Variants in ADGRB3 observed in about 807,000 individuals in gnomAD.
ADGRB3 encodes the protein adhesion G protein-coupled receptor B3.
ADGRB3 carries 37 observed loss-of-function variants against 193.4 expected under a neutral mutation model. That is an observed-to-expected ratio of 0.19 (90% confidence interval 0.15 to 0.25). ADGRB3 has a LOEUF of 0.25. ADGRB3 is among the 10% of genes least tolerant of loss of function. The pLI, the probability that ADGRB3 is intolerant of heterozygous loss-of-function variation, is 1.00. For synonymous variants in ADGRB3, 690 were observed against 644.2 expected (o/e 1.07, Z -1.08); for missense variants, 1,637 against 1,852.9 (o/e 0.88, Z 2.14).
chr6:69,369,675 G>C (rs1157539725), intron 29 of ADGRB3, among the ~76,000 whole-genome samples: 1 of 148,702 alleles, frequency 6.7e-6, no homozygotes, highest in Non-Finnish European at 1.5e-5. Flanking sequence ...CCCGGCCTGG[G>C]TGACAGAGCA....
At chr6:68,820,039 T>C (rs1015646808) in intron 3 of ADGRB3, among the ~76,000 whole-genome samples, 5 of 152,058 alleles carry the variant, frequency 3.3e-5, no homozygotes, top group African/African-American at 1.2e-4. Context: ...CTGATTGTAT[T>C]TTTTCCTCAA....
In ADGRB3 at chr6:69,339,161, T is replaced by C. The variant is rs1302137467; in HGVS notation, c.3287+147T>C. 1.3e-5 allele frequency: 14 copies of C among 1,084,850 alleles called. No individual in the cohort carries two copies. The East Asian group carries it at 3.2e-4, about 25-fold the overall frequency. 67.2% of individuals were successfully genotyped at this position (1,084,850 alleles called of 1,614,324 possible). On this transcript the variant is annotated intron_variant, in intron 25 of 31. Coordinates refer to ENST00000370598, the MANE Select transcript of ADGRB3 (RefSeq NM_001704.3). ...TAATTGGCAACTGTCTTTATAGCTA[T>C]TGTGGGATAGTATATAAAAAAAAAA...
At chr6:68,753,772 G>A (rs530888) in intron 3 of ADGRB3, among the ~76,000 whole-genome samples, 57,080 of 151,964 alleles carry the variant, frequency 0.38, 11,534 homozygotes, top group African/African-American at 0.52. Flanking sequence ...AAATAAAGCA[G>A]CCTGGTGCTG....
intron 20 of ADGRB3, among the ~76,000 whole-genome samples, chr6:69,308,840 G>A (rs1768120022): frequency 6.6e-6 from 1 of 151,504 alleles, no homozygotes; most frequent in Non-Finnish European, 1.5e-5. Context: ...CTGACAACAA[G>A]GAGGAAAATA....
intron 17 of ADGRB3, among the ~76,000 whole-genome samples, chr6:69,142,868 T>C (rs1187498292): frequency 1.3e-5 from 2 of 152,112 alleles, no homozygotes; most frequent in East Asian, 3.9e-4. Context: ...TCAAATAAGA[T>C]TGCAATTTTT....
chr6:68,783,199 C>G (rs1379383201), intron 3 of ADGRB3, among the ~76,000 whole-genome samples: 1 of 150,598 alleles, frequency 6.6e-6, no homozygotes, highest in Non-Finnish European at 1.5e-5. Context: ...AAGTATAGTG[C>G]CCACGGTGAC....
chr6:68,984,897 T>C (rs1769026953), intron 10 of ADGRB3, among the ~76,000 whole-genome samples: 1 of 101,502 alleles, frequency 9.9e-6, no homozygotes, highest in Non-Finnish European at 2.0e-5. Flanking sequence ...TTTCATCTGA[T>C]GGATTTTTTT....
At chr6:68,664,478 G>A (rs2127290731) in intron 3 of ADGRB3, among the ~76,000 whole-genome samples, 1 of 151,900 alleles carries the variant, frequency 6.6e-6, no homozygotes, top group Non-Finnish European at 1.5e-5. Flanking sequence ...TCTGCCATGT[G>A]AGTCATAAAG....
Position 69,205,394 on chromosome 6 carries a change from CTT to C in ADGRB3, c.2481-27883_2481-27882del, listed in dbSNP as rs10715013. Among the ~76,000 whole-genome samples the C allele has an allele frequency of 2.8e-3, 413 of 146,610 alleles. 1 individual carries two copies. The highest frequency in any genetic ancestry group is 5.9e-3 in the African/African-American group (235 of 40,162). On this transcript the variant is annotated intron_variant, in intron 17 of 31. Transcript: ENST00000370598. Reference sequence around the variant, plus strand: ...TTGTCTTTTCTGTAGAATAAAAGACCTTTTTTTTTTTTTTACCTGAGAAGATA... The same window carrying C: ...TTGTCTTTTCTGTAGAATAAAAGACCTTTTTTTTTTTTACCTGAGAAGATA...
At chr6:69,077,067 A>T (rs1772252910) in intron 17 of ADGRB3, among the ~76,000 whole-genome samples, 1 of 152,044 alleles carries the variant, frequency 6.6e-6, no homozygotes, top group Admixed American at 6.6e-5. Flanking sequence ...CTCTTTTGCT[A>T]TAGGTTCTCA....
chr6:68,809,116 A>G (rs150181850), intron 3 of ADGRB3, among the ~76,000 whole-genome samples: 2 of 152,304 alleles, frequency 1.3e-5, no homozygotes, highest in African/African-American at 4.8e-5. Flanking sequence ...ATTAAAGATT[A>G]TGAAGTATAT....
chr6:68,852,852 T>C (rs944636024), intron 3 of ADGRB3, among the ~76,000 whole-genome samples: 11 of 152,112 alleles, frequency 7.2e-5, no homozygotes, highest in African/African-American at 2.6e-4. Context: ...TTTGTTAGAA[T>C]TTTGTTTTAA....
At chr6:69,240,878 C>T (rs962963238) in intron 20 of ADGRB3, among the ~76,000 whole-genome samples, 2 of 151,926 alleles carry the variant, frequency 1.3e-5, no homozygotes, top group Non-Finnish European at 2.9e-5. Context: ...AAAAAGAGAG[C>T]TTTCCTCTGA....
chr6:69,388,473 C>G (rs1770120307), intron 31 of ADGRB3, among the ~76,000 whole-genome samples: 1 of 152,106 alleles, frequency 6.6e-6, no homozygotes, highest in African/African-American at 2.4e-5. Flanking sequence ...CTGTTCACTT[C>G]CTTTGATTCC....
chr6:69,242,484 T>G (rs904628048), intron 20 of ADGRB3, among the ~76,000 whole-genome samples: 9 of 152,028 alleles, frequency 5.9e-5, no homozygotes, highest in African/African-American at 2.2e-4. Context: ...AGCTGGTATC[T>G]GATGTTGATG....
At chr6:68,772,873 ACAAACAAAC>A (rs1425588602) in intron 3 of ADGRB3, among the ~76,000 whole-genome samples, 6 of 25,102 alleles carry the variant, frequency 2.4e-4, no homozygotes, top group Admixed American at 5.9e-4. Context: ...AAACAAACAA[ACAAACAAAC>A]AAAAAAAAAA....
At chr6:68,869,996 C>T (rs1310638853) in intron 3 of ADGRB3, among the ~76,000 whole-genome samples, 1 of 152,214 alleles carries the variant, frequency 6.6e-6, no homozygotes, top group Non-Finnish European at 1.5e-5. Context: ...CTAGACTTGT[C>T]TCGAACTCTT....
At chr6:69,039,337 G>T (rs953965674) in intron 13 of ADGRB3, among the ~76,000 whole-genome samples, 2 of 151,892 alleles carry the variant, frequency 1.3e-5, no homozygotes, top group Non-Finnish European at 2.9e-5. Context: ...GAAGAAAAAA[G>T]AAATTTTATA....
chr6:68,715,525 A>G (rs967204786), intron 3 of ADGRB3, among the ~76,000 whole-genome samples: 1 of 151,774 alleles, frequency 6.6e-6, no homozygotes, highest in South Asian at 2.1e-4. Flanking sequence ...TGATGTACCC[A>G]TACTAGAGCC....
Sources: gnomAD v4.1 joint callset for allele counts (sites outside exome capture counted in the v4.1 genomes callset) on GRCh38, gnomAD v4.1.1 for gene constraint, MANE v1.5 for transcripts, NCBI Gene and HGNC (gene_info 2026-07-23, HGNC 2026-07-21) for gene names.